Variants in BACH1 observed in about 807,000 individuals in gnomAD.
BACH1 encodes BTB domain and CNC homolog 1, also known as transcription regulator protein BACH1.
BACH1 carries 35 observed loss-of-function variants against 52.9 expected under a neutral mutation model. The ratio of observed to expected loss-of-function variants is 0.66; its 90% CI spans 0.51 to 0.88. BACH1 has a LOEUF of 0.88. Ranked by LOEUF, BACH1 falls within the 40% of genes least tolerant of loss-of-function variation. The pLI, the probability that BACH1 is intolerant of heterozygous loss-of-function variation, is 0.00. For missense variants in BACH1, 808 were observed against 872.6 expected (o/e 0.93, Z 0.93); for synonymous variants, 321 against 319.6 (o/e 1.00, Z -0.05).
Position 29,326,524 on chromosome 21 carries a change from T to C in BACH1, c.700T>C (p.Phe234Leu). The stretch of plus-strand genomic sequence containing the variant: ...CAAATACAGAAAATTCCAAAAAGCA[T>C]TTGGAACTGACAGAGTCCGTACTGG... ...CPKYRKFQKAFGTDRVRTGES... is the reference protein window; with the variant it reads ...CPKYRKFQKALGTDRVRTGES... Residue 234 changes from phenylalanine (F) to leucine (L), a missense_variant, in exon 3 of 5, where the codon TTT becomes CTT. By Grantham distance (22) the Phe-to-Leu change is conservative (BLOSUM62 0). Coordinates refer to ENST00000286800, the MANE Select transcript of BACH1 (RefSeq NM_001186.4). 6.2e-7 allele frequency: 1 copy of C among 1,614,120 alleles called. No individual in the cohort carries two copies. The highest frequency in any genetic ancestry group is 8.5e-7 in the Non-Finnish European group (1 of 1,180,036).
chr21:29,351,026 A>G (rs1767074106), downstream of BACH1, among the ~76,000 whole-genome samples: 1 of 152,212 alleles, frequency 6.6e-6, no homozygotes, highest in South Asian at 2.1e-4. Flanking sequence ...TCTTATTCTT[A>G]AAGTATAAAT....
At position 29,358,813 on chromosome 21, in the gene BACH1, A is replaced by AGAAAGAAG. The variant is rs1321142417; in HGVS notation, c.472+29123_472+29124insAGAAGGAA. ...AAGAAAGAAAGAAAGAAAGAAAGAAAGAAGAAAGAAAGAAATGTAAAAAGT... is the reference window on the plus strand; with the variant it reads ...AAGAAAGAAAGAAAGAAAGAAAGAAAGAAAGAAGGAAGAAAGAAAGAAATGTAAAAAGT... On this transcript the variant is annotated intron_variant, in intron 2 of 4. Transcript: ENST00000422809. Among the ~76,000 whole-genome samples the AGAAAGAAG allele has an allele frequency of 5.0e-5, 4 of 80,706 alleles. 1 individual carries two copies. Among genetic ancestry groups the AGAAAGAAG allele is most frequent in the Non-Finnish European group, 1.6e-4 (4 of 25,756 alleles). 52.9% of individuals were successfully genotyped at this position (80,706 alleles called of 152,430 possible).
chr21:29,360,058 G>T (rs1286118576), intron 2 of BACH1, among the ~76,000 whole-genome samples: 2 of 152,112 alleles, frequency 1.3e-5, no homozygotes. Flanking sequence ...GAAACCTTTT[G>T]TCCCTTATCT....
At chr21:29,332,494 AGAAT>A (rs375746746) in intron 4 of BACH1, among the ~76,000 whole-genome samples, 85 of 152,338 alleles carry the variant, frequency 5.6e-4, no homozygotes, top group African/African-American at 1.8e-3. Flanking sequence ...TTTTGATTGA[AGAAT>A]GAATGAATGA....
intron 2 of BACH1, 69 bp from the exon 3 acceptor site, chr21:29,325,990 A>T (rs1484895540): frequency 1.4e-6 from 2 of 1,417,814 alleles, no homozygotes; most frequent in Non-Finnish European, 1.9e-6. Flanking sequence ...TTCCTCTTCT[A>T]CTTATTTTGT....
intron 2 of BACH1, among the ~76,000 whole-genome samples, chr21:29,323,009 G>GCATT (rs969012749): frequency 8.4e-6 from 1 of 119,370 alleles, no homozygotes; most frequent in Non-Finnish European, 1.7e-5. Context: ...ATGTGTGTAT[G>GCATT]CATTCATTCA....
At chr21:29,315,593 C>G (rs1157107254) in intron 1 of BACH1, among the ~76,000 whole-genome samples, 1 of 152,304 alleles carries the variant, frequency 6.6e-6, no homozygotes, top group South Asian at 2.1e-4. Context: ...TGCACCGTTC[C>G]TGATGTCCAC....
At chr21:29,322,683 G>A (rs187064115) in intron 2 of BACH1, among the ~76,000 whole-genome samples, 9 of 152,180 alleles carry the variant, frequency 5.9e-5, no homozygotes, top group Non-Finnish European at 1.2e-4. Flanking sequence ...AGTTGGATAC[G>A]GTTGGATAAA....
Position 29,324,413 on chromosome 21 carries a change from A to G in BACH1, c.235-1646A>G, listed in dbSNP as rs948615006. On this transcript the variant is annotated intron_variant, in intron 2 of 4. Transcript: ENST00000286800. Reference sequence around the variant, plus strand: ...TCCTTTTCTAAAGTTTTGTCATTCTAAAAATGTTATATAAATGGAATTATG... The same window carrying G: ...TCCTTTTCTAAAGTTTTGTCATTCTGAAAATGTTATATAAATGGAATTATG... Among the ~76,000 whole-genome samples the G allele has an allele frequency of 2.6e-5, 4 of 152,028 alleles. No homozygotes were observed. In the East Asian group the frequency reaches 7.7e-4, roughly 29 times the overall value.
downstream of BACH1, among the ~76,000 whole-genome samples, chr21:29,347,735 G>A (rs938189148): frequency 1.3e-5 from 2 of 152,184 alleles, no homozygotes; most frequent in Non-Finnish European, 2.9e-5. Flanking sequence ...GGATCCAGCA[G>A]TGTACTAGTA....
At position 29,325,231 on chromosome 21, in the gene BACH1, G is replaced by GA. The variant is rs1041695285; in HGVS notation, c.235-817dup. Among the ~76,000 whole-genome samples, 143 of 146,912 alleles carry GA rather than the reference G, an allele frequency of 9.7e-4. 1 individual carries two copies. The highest frequency in any genetic ancestry group is 2.8e-3 in the African/African-American group (113 of 40,346). ...GGCGACAGAGCGAGACTCCGTCTTA[G>GA]AAAAAAAAAAATCACAAATATTAAT... On this transcript the variant is annotated intron_variant, in intron 2 of 4. Transcript: ENST00000286800.
intron 1 of BACH1, among the ~76,000 whole-genome samples, chr21:29,302,405 A>G (rs2088613520): frequency 6.6e-6 from 1 of 152,204 alleles, no homozygotes; most frequent in South Asian, 2.1e-4. Flanking sequence ...ACATAACTGA[A>G]GTCTGGGTTT....
intron 1 of BACH1, among the ~76,000 whole-genome samples, chr21:29,310,811 A>G (rs903081587): frequency 3.9e-5 from 6 of 152,240 alleles, no homozygotes; most frequent in Non-Finnish European, 2.9e-5. Context: ...TGGAGGGGAA[A>G]AGGCTTGTTT....
chr21:29,346,980 C>T (rs907243726), downstream of BACH1, among the ~76,000 whole-genome samples: 6 of 152,122 alleles, frequency 3.9e-5, no homozygotes, highest in East Asian at 1.2e-3. Flanking sequence ...GAGTGTTCAC[C>T]AGTGGGTGTC....
chr21:29,315,840 C>A (rs2088780218), intron 1 of BACH1, among the ~76,000 whole-genome samples: 1 of 152,002 alleles, frequency 6.6e-6, no homozygotes, highest in Non-Finnish European at 1.5e-5. Context: ...TCATTTTGAA[C>A]ATATCTAGGT....
chr21:29,301,320 C>T (rs1476426638), intron 1 of BACH1, among the ~76,000 whole-genome samples: 1 of 152,152 alleles, frequency 6.6e-6, no homozygotes, highest in Non-Finnish European at 1.5e-5. Context: ...ATCGTGTATT[C>T]ATATTATATA....
chr21:29,350,782 A>G (rs2089197740), downstream of BACH1, among the ~76,000 whole-genome samples: 1 of 152,228 alleles, frequency 6.6e-6, no homozygotes, highest in Non-Finnish European at 1.5e-5. Context: ...CAGAGTGTAG[A>G]AGGTGAAGGG....
intron 2 of BACH1, among the ~76,000 whole-genome samples, chr21:29,325,781 A>T (rs2088903289): frequency 6.6e-6 from 1 of 152,074 alleles, no homozygotes; most frequent in African/African-American, 2.4e-5. Context: ...AATTGTGGTA[A>T]TGTCTTACAT....
chr21:29,341,896 G>GCTAA (rs890648378), intron 4 of BACH1, among the ~76,000 whole-genome samples: 1 of 152,164 alleles, frequency 6.6e-6, no homozygotes, highest in African/African-American at 2.4e-5. Context: ...ATTAAGTTAT[G>GCTAA]CTAACTGTAC....
Sources: gnomAD v4.1 joint callset for allele counts (sites outside exome capture counted in the v4.1 genomes callset) on GRCh38, gnomAD v4.1.1 for gene constraint, MANE v1.5 for transcripts, NCBI Gene and HGNC (gene_info 2026-07-23, HGNC 2026-07-21) for gene names.